SLC2A3: variants seen among roughly 807,000 people sequenced by gnomAD.
SLC2A3 encodes the protein solute carrier family 2 member 3, also known as solute carrier family 2, facilitated glucose transporter member 3.
Under a neutral mutation model 46.4 loss-of-function variants are expected in SLC2A3, and 21 were observed. The observed-to-expected ratio is 0.45, with a 90% confidence interval of 0.32 to 0.65. The LOEUF (loss-of-function observed/expected upper bound fraction) is 0.65. Among genes scored for constraint, SLC2A3 ranks in the 30% least tolerant of loss-of-function variants. SLC2A3 has a pLI of 0.04. For missense variants in SLC2A3, 499 were observed against 623.3 expected (o/e 0.80, Z 2.12); for synonymous variants, 213 against 239.4 (o/e 0.89, Z 1.02).
In SLC2A3 at chr12:7,929,702, C is replaced by A. The variant is rs1162192065; in HGVS notation, c.843G>T (p.Gln281His). 4.3e-6 allele frequency: 7 copies of A among 1,613,344 alleles called. No individual in the cohort carries two copies. Among genetic ancestry groups the A allele is most frequent in the Non-Finnish European group, 5.9e-6 (7 of 1,179,558 alleles). The change falls in exon 6 of 10, where the codon CAG becomes CAT. Residue 281 changes from glutamine to histidine, a missense_variant. Gln to His is a conservative substitution (Grantham distance 24). Transcript: ENST00000075120. ...IISIVLQLSQQLSGINAVFYY... is the reference protein window; with the variant it reads ...IISIVLQLSQHLSGINAVFYY... Reference sequence around the variant, plus strand: ...CACTCACAGCATTGATCCCAGAGAGCTGCTGAGAGAGCTGGAGCACAATGG... The same window carrying A: ...CACTCACAGCATTGATCCCAGAGAGATGCTGAGAGAGCTGGAGCACAATGG...
chr12:7,930,231 C>T lies in SLC2A3; in HGVS notation c.673+249G>A, dbSNP rs932427818. On this transcript the variant is annotated intron_variant, in intron 5 of 9. Transcript: ENST00000075120. ...GAACTCCTGACCTCAGGTGACCCGC[C>T]TCGGCCTCTTATAATGCTGGATTAC... The T allele has an allele frequency of 4.4e-4, 224 of 510,988 alleles. 5 individuals are homozygous for T. Among genetic ancestry groups the T allele is most frequent in the Admixed American group, 1.1e-4 (3 of 28,484 alleles). The allele number at this position is 510,988 out of a possible 1,614,324, so 31.7% of individuals were successfully genotyped here. A position where few individuals can be genotyped will look rare whatever the true frequency, so the allele number is the denominator to read the frequency against.
rs755142581 is a variant in SLC2A3 at position 7,931,475 on chromosome 12, T to C, written c.280A>G (p.Met94Val). ...FVNRFGRRNS[M>V]LIVNLLAVTG... ...ACAGCCAACAGGTTGACAATCAGCA[T>C]TGAATTGCGCCTGTAAGGTTAATCA... The change falls in exon 4 of 10, where the codon ATG becomes GTG. Residue 94 changes from methionine (M) to valine (V), a missense_variant. Physicochemically the swap from Met to Val is conservative, Grantham distance 21. This residue lies in a region of SLC2A3 where 248 missense variants were observed against 284.0 expected (regional missense o/e 0.87). Transcript: ENST00000075120. 7.4e-6 allele frequency: 12 copies of C among 1,614,074 alleles called. No individual in the cohort carries two copies. Among genetic ancestry groups the C allele is most frequent in the South Asian group, 4.4e-5 (4 of 91,088 alleles).
chr12:7,932,909 C>T, intron 3 of SLC2A3, 78 bp downstream of exon 3: 1 of 1,564,776 alleles, frequency 6.4e-7, no homozygotes, highest in Admixed American at 1.9e-5. Flanking sequence ...GCATCATCAC[C>T]TCCCTGCCCT....
chr12:7,931,254 C>G lies in SLC2A3; in HGVS notation c.501G>C (p.Leu167=), dbSNP rs1400236672. Residue 167 remains leucine (L), a synonymous_variant, in exon 4 of 10, where the codon CTG becomes CTC. Coordinates refer to ENST00000075120, the MANE Select transcript of SLC2A3 (RefSeq NM_006931.3). ...LNQLGIVVGI[L]VAQIFGLEFI... The stretch of plus-strand genomic sequence containing the variant: ...AGAAGTTCTAGAGTACCTGGGCCAC[C>G]AGAATTCCAACAACGATGCCCAGCT... 12 of 1,614,008 alleles carry G rather than the reference C, an allele frequency of 7.4e-6. No homozygotes were observed. The highest frequency in any genetic ancestry group is 9.3e-6 in the Non-Finnish European group (11 of 1,180,018).
chr12:7,933,369 CCCCAG>C (rs1946178582), intron 2 of SLC2A3: 1 of 625,958 alleles, frequency 1.6e-6, no homozygotes. Context: ...TCACAGTCTA[CCCCAG>C]CCCTCTGCTA....
chr12:7,922,714 G>A (rs1946050863), intron 9 of SLC2A3, 107 bp downstream of exon 9: 1 of 1,490,540 alleles, frequency 6.7e-7, no homozygotes, highest in South Asian at 1.3e-5. Flanking sequence ...ACAGTGCTAG[G>A]ATTACAGGCA....
At chr12:7,930,373 T>C in intron 5 of SLC2A3, 107 bp downstream of exon 5, 1 of 1,205,096 alleles carries the variant, frequency 8.3e-7, no homozygotes, top group Non-Finnish European at 1.2e-6. Context: ...CTCACTTGGA[T>C]TCTGAGAGGC....
In SLC2A3 at chr12:7,930,555, C is replaced by A; in HGVS notation, c.598G>T (p.Ala200Ser). 6.2e-7 allele frequency: 1 copy of A among 1,613,922 alleles called. No homozygotes were observed. Among genetic ancestry groups the A allele is most frequent in the Non-Finnish European group, 8.5e-7 (1 of 1,179,906 alleles). ...CTTTCAGGGCAAAATGGAAGGGCTGCACTTTGTAGGATAGCAGGAAGGATG... is the reference window on the plus strand; with the variant it reads ...CTTTCAGGGCAAAATGGAAGGGCTGAACTTTGTAGGATAGCAGGAAGGATG... ...FTILPAILQS[A>S]ALPFCPESPR... The change falls in exon 5 of 10, where the codon GCA becomes TCA. Residue 200 changes from alanine to serine, a missense_variant. By Grantham distance (99) the Ala-to-Ser change is moderately conservative. Coordinates refer to ENST00000075120, the MANE Select transcript of SLC2A3 (RefSeq NM_006931.3).
chr12:7,933,337 C>A, intron 2 of SLC2A3, 190 bp from the exon 3 acceptor site: 1 of 738,706 alleles, frequency 1.4e-6, no homozygotes, highest in Non-Finnish European at 2.1e-6. Flanking sequence ...CTGAAAATCC[C>A]AGTAGGTGGC....
intron 1 of SLC2A3, among the ~76,000 whole-genome samples, chr12:7,935,514 T>A (rs1057295330): frequency 3.3e-5 from 5 of 152,202 alleles, no homozygotes; most frequent in African/African-American, 1.2e-4. Flanking sequence ...TATTTTAGTA[T>A]GTCCTGCACT....
chr12:7,931,645 G>T (rs1294553844), intron 3 of SLC2A3, among the ~76,000 whole-genome samples, 160 bp from the exon 4 acceptor site: 2 of 151,058 alleles, frequency 1.3e-5, no homozygotes, highest in Non-Finnish European at 2.9e-5. Context: ...ATTTCTAGTT[G>T]GGAACCAGGT....
intron 9 of SLC2A3, among the ~76,000 whole-genome samples, 153 bp from the exon 10 acceptor site, chr12:7,921,784 T>C (rs972102034): frequency 6.6e-6 from 1 of 152,208 alleles, no homozygotes; most frequent in East Asian, 1.9e-4. Context: ...TATGATTCCA[T>C]TGCTAACTTA....
chr12:7,931,185 T>A, intron 4 of SLC2A3, 60 bp downstream of exon 4: 1 of 1,601,372 alleles, frequency 6.2e-7, no homozygotes, highest in Non-Finnish European at 8.5e-7. Flanking sequence ...TTTACCTATG[T>A]TAACTTTTTT....
At position 7,930,463 on chromosome 12, in the gene SLC2A3, G is replaced by A. The variant is rs746550980; in HGVS notation, c.673+17C>T. ...ACAACCATATAATTCATGTAGTAAG[G>A]TGTGAAGGATACTCACTCTGCTTAG... On this transcript the variant is annotated intron_variant, in intron 5 of 9. Coordinates refer to ENST00000075120, the MANE Select transcript of SLC2A3 (RefSeq NM_006931.3). The A allele has an allele frequency of 1.3e-5, 21 of 1,609,108 alleles. No homozygotes were observed. The highest frequency in any genetic ancestry group is 1.7e-5 in the Non-Finnish European group (20 of 1,175,976).
At chr12:7,925,713 T>A in intron 7 of SLC2A3, 131 bp downstream of exon 7, 1 of 714,366 alleles carries the variant, frequency 1.4e-6, no homozygotes, top group Non-Finnish European at 2.4e-6. Flanking sequence ...ATTAAATTTA[T>A]CTCTTTTTCC....
In SLC2A3 at chr12:7,931,412, T is replaced by C. The variant is rs1405230929; in HGVS notation, c.343A>G (p.Lys115Glu). Residue 115 changes from lysine (K) to glutamate (E), a missense_variant, in exon 4 of 10, where the codon AAG becomes GAG. By Grantham distance (56) the Lys-to-Glu change is moderately conservative. Transcript: ENST00000075120. The part of the protein sequence containing the change: ...GCFMGLCKVA[K>E]SVEMLILGRL... ...CCCAGGATCAGCATTTCAACCGACT[T>C]AGCTACTTTACACAGTCCCATAAAG... 5 of 1,613,998 alleles carry C rather than the reference T, an allele frequency of 3.1e-6. No individual in the cohort carries two copies. The Admixed American group carries it at 5.0e-5, about 16-fold the overall frequency.
In SLC2A3 at chr12:7,922,733, C is replaced by CA. The variant is rs1395900465; in HGVS notation, c.1272+87dup. On this transcript the variant is annotated intron_variant, in intron 9 of 9. Transcript: ENST00000075120. The stretch of plus-strand genomic sequence containing the variant: ...TGCTAGGATTACAGGCATGAGCCAC[C>CA]ATGCCAGGCCCAGACTACTGTATTA... 31 of 1,560,460 alleles carry CA rather than the reference C, an allele frequency of 2.0e-5. No individual in the cohort carries two copies. The African/African-American group carries it at 4.1e-4, about 20-fold the overall frequency.
chr12:7,923,252 T>C (rs1194339570), intron 8 of SLC2A3: 17 of 473,436 alleles, frequency 3.6e-5, no homozygotes, highest in Non-Finnish European at 6.0e-5. Flanking sequence ...CACTGCATCA[T>C]CGATCTCCTG....
rs1946210092 is a variant in SLC2A3 at position 7,936,108 on chromosome 12, C to T, written c.-74G>A. On this transcript the variant is annotated 5_prime_UTR_variant, in exon 1 of 10. Coordinates refer to ENST00000075120, the MANE Select transcript of SLC2A3 (RefSeq NM_006931.3). ...GAAACAGCTTTTTCAGCCAACAAAACCTTCAAAATGTCCTTCTCAGCAGCA... is the reference window on the plus strand; with the variant it reads ...GAAACAGCTTTTTCAGCCAACAAAATCTTCAAAATGTCCTTCTCAGCAGCA... The T allele has an allele frequency of 7.7e-7, 1 of 1,302,688 alleles. No individual in the cohort carries two copies. Among genetic ancestry groups the T allele is most frequent in the Non-Finnish European group, 1.1e-6 (1 of 897,548 alleles). 80.7% of individuals were successfully genotyped at this position (1,302,688 alleles called of 1,614,324 possible).
Sources: gnomAD v4.1 joint callset for allele counts (sites outside exome capture counted in the v4.1 genomes callset) on GRCh38, gnomAD v4.1.1 for gene constraint, gnomAD v4.1.1 regional missense constraint, MANE v1.5 for transcripts, NCBI Gene and HGNC (gene_info 2026-07-23, HGNC 2026-07-21) for gene names.